Variants in RETREG1 observed in about 807,000 individuals in gnomAD.
The protein encoded by RETREG1 is family with sequence similarity 134 member B.
In RETREG1, 44 loss-of-function variants were observed where a neutral mutation model predicts 54.8. The observed-to-expected ratio is 0.80, with a 90% CI of 0.63 to 1.03. The LOEUF (loss-of-function observed/expected upper bound fraction) is 1.03, where lower values mean the gene tolerates loss of function less well. Among genes scored for constraint, RETREG1 ranks in the 50% least tolerant of loss-of-function variants. The pLI is 0.00. For synonymous variants in RETREG1, 217 were observed against 238.5 expected, an observed-to-expected ratio of 0.91 and a Z score of 0.83; for missense variants, 554 against 605.1, an observed-to-expected ratio of 0.92 and a Z score of 0.89.
At chr5:16,480,728 T>C (rs1278857065) in intron 5 of RETREG1, among the ~76,000 whole-genome samples, 1 of 152,058 alleles carries the variant, frequency 6.6e-6, no homozygotes, top group African/African-American at 2.4e-5. Flanking sequence ...GTTGGTGTGT[T>C]TTTGGGAGGT....
At chr5:16,547,034 A>G (rs1430786336) in intron 3 of RETREG1, among the ~76,000 whole-genome samples, 2 of 152,198 alleles carry the variant, frequency 1.3e-5, no homozygotes, top group African/African-American at 4.8e-5. Flanking sequence ...TTCTGACATC[A>G]ACGGAAATAC....
intron 1 of RETREG1, among the ~76,000 whole-genome samples, chr5:16,613,296 TC>T (rs1381876202): frequency 6.6e-6 from 1 of 152,186 alleles, no homozygotes; most frequent in East Asian, 1.9e-4. Context: ...GCTATTGTGT[TC>T]ATTGTATTCC....
In RETREG1 at chr5:16,479,035, G is replaced by C. The variant is rs1467713156; in HGVS notation, c.671-48C>G. 10 of 1,588,728 alleles carry C rather than the reference G, an allele frequency of 6.3e-6. No individual in the cohort carries two copies. In the African/African-American group the frequency reaches 1.3e-4, roughly 21 times the overall value. The stretch of plus-strand genomic sequence containing the variant: ...GGTAAAATGCCTTTCCTTTCAAAAG[G>C]CTACGTACATTTCAGTATTTCACAA... On this transcript the variant is annotated intron_variant, in intron 5 of 8. Transcript: ENST00000306320.
chr5:16,524,074 A>G (rs1236846214), intron 3 of RETREG1, among the ~76,000 whole-genome samples: 4 of 152,118 alleles, frequency 2.6e-5, no homozygotes, highest in Non-Finnish European at 4.4e-5. Context: ...CAGAGCAATC[A>G]GTTCCCTCAA....
chr5:16,591,057 C>T (rs1742760217), intron 1 of RETREG1, among the ~76,000 whole-genome samples: 1 of 152,062 alleles, frequency 6.6e-6, no homozygotes, highest in Non-Finnish European at 1.5e-5. Context: ...TATCATAGCA[C>T]AGAATAAATA....
rs143243647 is a variant in RETREG1, at chr5:16,509,986, C to T, written c.459-26514G>A. Among the ~76,000 whole-genome samples the T allele has an allele frequency of 5.2e-3, 794 of 152,018 alleles. 9 individuals carry two copies. The highest frequency in any genetic ancestry group is 0.018 in the African/African-American group (742 of 41,484). On this transcript the variant is annotated intron_variant, in intron 3 of 8. Transcript: ENST00000306320. ...TCCAGCCTGGGTGACAGAGCAAGACCCTGTTTCTTTAAAAAGCTAATAATA... is the reference window on the plus strand; with the variant it reads ...TCCAGCCTGGGTGACAGAGCAAGACTCTGTTTCTTTAAAAAGCTAATAATA...
chr5:16,540,132 T>C (rs1052621778), intron 3 of RETREG1, among the ~76,000 whole-genome samples: 1 of 152,208 alleles, frequency 6.6e-6, no homozygotes, highest in Non-Finnish European at 1.5e-5. Context: ...CCCTTTTTGA[T>C]GGAGATCTAG....
At chr5:16,557,912 T>C (rs898906076) in intron 3 of RETREG1, among the ~76,000 whole-genome samples, 2 of 152,168 alleles carry the variant, frequency 1.3e-5, no homozygotes, top group African/African-American at 4.8e-5. Context: ...ATCATGATGA[T>C]ATTAAGATGT....
At chr5:16,511,309 G>A (rs923409623) in intron 3 of RETREG1, among the ~76,000 whole-genome samples, 3 of 152,204 alleles carry the variant, frequency 2.0e-5, no homozygotes, top group African/African-American at 7.2e-5. Context: ...ACGATCAAGA[G>A]GGTGGGCAGC....
At chr5:16,602,665 G>A (rs1369968826) in intron 1 of RETREG1, among the ~76,000 whole-genome samples, 1 of 152,166 alleles carries the variant, frequency 6.6e-6, no homozygotes, top group Non-Finnish European at 1.5e-5. Context: ...GGGGTGCCAG[G>A]AGAAAATTAA....
chr5:16,582,780 C>A (rs1202282617), intron 1 of RETREG1, among the ~76,000 whole-genome samples: 1 of 152,154 alleles, frequency 6.6e-6, no homozygotes, highest in Non-Finnish European at 1.5e-5. Flanking sequence ...CAAAATTAGT[C>A]TGCACTGGCC....
chr5:16,570,044 C>T (rs1742131577), intron 2 of RETREG1, among the ~76,000 whole-genome samples: 1 of 152,212 alleles, frequency 6.6e-6, no homozygotes, highest in African/African-American at 2.4e-5. Flanking sequence ...ACACTGACTT[C>T]GGACTACTGT....
intron 3 of RETREG1, among the ~76,000 whole-genome samples, chr5:16,517,007 G>T (rs1161882123): frequency 6.6e-6 from 1 of 152,150 alleles, no homozygotes; most frequent in Non-Finnish European, 1.5e-5. Flanking sequence ...AGCAACAGAT[G>T]CCTGCAGGGG....
chr5:16,483,393 T>C lies in RETREG1; in HGVS notation c.538A>G (p.Ile180Val), dbSNP rs764208459. The C allele has an allele frequency of 1.1e-5, 17 of 1,613,478 alleles. No individual in the cohort carries two copies. Among genetic ancestry groups the C allele is most frequent in the Middle Eastern group, 1.6e-4 (1 of 6,062 alleles). ...AAAAGAGACATTTCTTGAAGAAATA[T>C]GCTGAAATTCATCCATGATTCTGCA... ...CIAESWMNFS[I>V]FLQEMSLFKQ... The change falls in exon 4 of 9, where the codon ATA (isoleucine) becomes GTA (valine). Residue 180 changes from isoleucine (I) to valine (V), a missense_variant. Physicochemically the swap from Ile to Val is conservative, Grantham distance 29. Around this residue, in one of 4 missense-constraint regions of RETREG1, gnomAD observed 347 missense variants for 412.3 expected, o/e 0.84. Transcript: ENST00000306320.
chr5:16,493,076 ATTTGGGGCTCTCCC>A (rs908907669), intron 3 of RETREG1, among the ~76,000 whole-genome samples: 63 of 151,170 alleles, frequency 4.2e-4, no homozygotes, highest in African/African-American at 1.5e-3. Context: ...TTAGTGTTCT[ATTTGGGGCTCTCCC>A]TTTTTTTATA....
chr5:16,498,172 A>G (rs1263834947), intron 3 of RETREG1, among the ~76,000 whole-genome samples: 2 of 152,308 alleles, frequency 1.3e-5, no homozygotes, highest in East Asian at 3.9e-4. Context: ...ACCAATGGGG[A>G]TATGTTCTAA....
intron 1 of RETREG1, among the ~76,000 whole-genome samples, chr5:16,586,212 A>G (rs1438941443): frequency 6.6e-6 from 1 of 152,194 alleles, no homozygotes; most frequent in Non-Finnish European, 1.5e-5. Context: ...AGCCATGGTA[A>G]TGGGCAGCTG....
chr5:16,508,706 T>A, intron 3 of RETREG1: 1 of 1,594,400 alleles, frequency 6.3e-7, no homozygotes, highest in Non-Finnish European at 8.6e-7. Context: ...TCTACTCTAA[T>A]GCTGAATATC....
intron 1 of RETREG1, among the ~76,000 whole-genome samples, chr5:16,603,702 CACA>C (rs769544035): frequency 6.6e-5 from 10 of 151,648 alleles, no homozygotes; most frequent in Non-Finnish European, 1.2e-4. Flanking sequence ...GCTCCTTCAG[CACA>C]ACATGTCGGT....
Sources: allele counts gnomAD v4.1 joint callset (sites outside exome capture counted in the v4.1 genomes callset), GRCh38; gene constraint gnomAD v4.1.1; regional missense constraint gnomAD v4.1.1; transcripts MANE v1.5; gene names NCBI Gene and HGNC (gene_info 2026-07-23, HGNC 2026-07-21).